The following MCTP2 variants were observed in gnomAD, a reference collection of about 807,000 sequenced individuals.
MCTP2 encodes the protein multiple C2 and transmembrane domain containing 2.
Under a neutral mutation model 111.6 loss-of-function variants are expected in MCTP2, and 132 were observed. That is an observed-to-expected ratio of 1.18 (90% CI 1.03 to 1.37). MCTP2 has a LOEUF of 1.37. Ranked by LOEUF, MCTP2 falls within the 40% of genes most tolerant of loss-of-function variation. The pLI is 0.00. For synonymous variants in MCTP2, 395 were observed against 387.7 expected (o/e 1.02, Z -0.22); for missense variants, 1,183 against 1,067.9 (o/e 1.11, Z -1.50).
intron 4 of MCTP2, among the ~76,000 whole-genome samples, chr15:94,326,606 C>CA (rs2076884041): frequency 6.6e-6 from 1 of 151,548 alleles, no homozygotes; most frequent in African/African-American, 2.4e-5. Context: ...CTCGCTCTGT[C>CA]ACCCAGGCTG....
chr15:94,464,257 T>TATTATATATATATATATATATTA lies in MCTP2; in HGVS notation c.2360+6011_2360+6012insATTATATATATATATATATATTA, dbSNP rs4001978. ...TATATATAATATATATATATATATA[T>TATTATATATATATATATATATTA]TATATATATATATATATATATAAAC... On this transcript the variant is annotated intron_variant, in intron 20 of 22. Transcript: ENST00000357742. Among the ~76,000 whole-genome samples, 118 of 44,924 alleles carry TATTATATATATATATATATATTA rather than the reference T, an allele frequency of 2.6e-3. 2 individuals are homozygous for TATTATATATATATATATATATTA. The highest frequency in any genetic ancestry group is 6.5e-3 in the African/African-American group (108 of 16,668). The allele number at this position is 44,924 out of a possible 152,430, so 29.5% of individuals were successfully genotyped here. A position where few individuals can be genotyped will look rare whatever the true frequency, so the allele number is the denominator to read the frequency against.
In MCTP2 at chr15:94,448,989, G is replaced by T. The variant is rs144091835; in HGVS notation, c.2250+6029G>T. 3.3e-5 allele frequency among the ~76,000 whole-genome samples: 5 copies of T among 152,214 alleles called. No homozygotes were observed. The South Asian group carries it at 1.0e-3, about 32-fold the overall frequency. ...TGGGAGGCAGAGGTTGCGGTGAGCCGAGATCGTGCCACTGAATTCCAGCCT... is the reference window on the plus strand; with the variant it reads ...TGGGAGGCAGAGGTTGCGGTGAGCCTAGATCGTGCCACTGAATTCCAGCCT... On this transcript the variant is annotated intron_variant, in intron 19 of 22. Coordinates refer to ENST00000357742, the MANE Select transcript of MCTP2 (RefSeq NM_001385001.1).
rs568408555 is a variant in MCTP2 at position 94,428,739 on chromosome 15, T to A, written c.2086-11437T>A. Among the ~76,000 whole-genome samples, 15 of 152,302 alleles carry A rather than the reference T, an allele frequency of 9.8e-5. 1 individual carries two copies. In the South Asian group the frequency reaches 3.1e-3, roughly 32 times the overall value. ...TAATTTCTTTGGAATTATCTCTCAATTTACTAATTTTCTGTTCAGCTGCTT... is the reference window on the plus strand; with the variant it reads ...TAATTTCTTTGGAATTATCTCTCAAATTACTAATTTTCTGTTCAGCTGCTT... On this transcript the variant is annotated intron_variant, in intron 17 of 22. Transcript: ENST00000357742.
intron 8 of MCTP2, among the ~76,000 whole-genome samples, chr15:94,355,625 T>C (rs962326218): frequency 1.3e-5 from 2 of 152,190 alleles, no homozygotes; most frequent in Non-Finnish European, 2.9e-5. Context: ...AGGCTCTATT[T>C]GGACTAGTGA....
intron 2 of MCTP2, among the ~76,000 whole-genome samples, chr15:94,308,270 G>A (rs1441519482): frequency 6.6e-6 from 1 of 152,192 alleles, no homozygotes; most frequent in African/African-American, 2.4e-5. Context: ...GCAGAGGTGG[G>A]ACTCAAATCC....
In MCTP2 at chr15:94,244,608, G is replaced by A. The variant is rs895266327; in HGVS notation, c.-66+12944G>A. Among the ~76,000 whole-genome samples the A allele has an allele frequency of 3.4e-5, 5 of 145,684 alleles. 1 individual carries two copies. The highest frequency in any genetic ancestry group is 6.7e-5 in the Admixed American group (1 of 14,874). On this transcript the variant is annotated intron_variant, in intron 1 of 22. Coordinates refer to ENST00000357742, the MANE Select transcript of MCTP2 (RefSeq NM_001385001.1). ...TACATATGCACCTATGTTTATATAC[G>A]TATATGTATACACATACATATGCAC...
At chr15:94,325,501 T>A (rs2076821216) in intron 4 of MCTP2, among the ~76,000 whole-genome samples, 1 of 152,194 alleles carries the variant, frequency 6.6e-6, no homozygotes, top group Non-Finnish European at 1.5e-5. Context: ...TGTGTATCTT[T>A]TTGCTCTTTT....
intron 1 of MCTP2, among the ~76,000 whole-genome samples, chr15:94,294,941 CTTTTTTTTTTTT>C (rs71133001): frequency 2.6e-3 from 195 of 74,002 alleles, no homozygotes; most frequent in African/African-American, 9.7e-3. Context: ...TTTTCTTTTC[CTTTTTTTTTTTT>C]TTTTTTTTTT....
chr15:94,383,499 T>C (rs2080270434), intron 12 of MCTP2, among the ~76,000 whole-genome samples: 1 of 152,152 alleles, frequency 6.6e-6, no homozygotes, highest in African/African-American at 2.4e-5. Context: ...GCTGGGTAAT[T>C]TATAAAAGAG....
chr15:94,451,269 C>T (rs1204275440), intron 19 of MCTP2, among the ~76,000 whole-genome samples: 1 of 151,770 alleles, frequency 6.6e-6, no homozygotes, highest in Non-Finnish European at 1.5e-5. Flanking sequence ...AGTGAATGCT[C>T]TTCTTTTTTA....
rs2152551943 is a variant in MCTP2 at position 94,483,542 on chromosome 15, T to TGTC, written c.*4509_*4511dup. 6.6e-6 allele frequency: 1 copy of TGTC among 152,316 alleles called. No individual in the cohort carries two copies. The highest frequency in any genetic ancestry group is 6.5e-5 in the Admixed American group (1 of 15,302). 9.4% of individuals were successfully genotyped at this position (152,316 alleles called of 1,614,324 possible). A position where few individuals can be genotyped will look rare whatever the true frequency, so the allele number is the denominator to read the frequency against. On this transcript the variant is annotated 3_prime_UTR_variant, in exon 23 of 23. Transcript: ENST00000357742. ...GCAGCCATAAAAAAGAATGAGATCA[T>TGTC]GTCCTTTTGCAGGAACTTGGATACA...
At chr15:94,237,705 A>T (rs985182518) in intron 1 of MCTP2, among the ~76,000 whole-genome samples, 10 of 152,212 alleles carry the variant, frequency 6.6e-5, no homozygotes, top group African/African-American at 2.4e-4. Context: ...AAGAATCTCT[A>T]TTAAAGCTAG....
intron 20 of MCTP2, among the ~76,000 whole-genome samples, chr15:94,468,931 G>T (rs559930333): frequency 6.6e-6 from 1 of 152,134 alleles, no homozygotes; most frequent in South Asian, 2.1e-4. Flanking sequence ...CCCAGCCTCA[G>T]TCTTAACCAG....
intron 14 of MCTP2, among the ~76,000 whole-genome samples, chr15:94,396,568 T>C (rs2081293027): frequency 6.6e-6 from 1 of 152,120 alleles, no homozygotes; most frequent in Non-Finnish European, 1.5e-5. Flanking sequence ...TTCAATTATA[T>C]AATCAGGGAG....
Position 94,479,219 on chromosome 15 carries a change from G to T in MCTP2, c.*185G>T, listed in dbSNP as rs1259877810. ...CATGTGCACACACCCTCATGCATGG[G>T]TGTCCTAGTTGCGTAGAGGGTCAGC... is the stretch of plus-strand genomic sequence containing the variant. On this transcript the variant is annotated 3_prime_UTR_variant, in exon 23 of 23. Coordinates refer to ENST00000357742, the MANE Select transcript of MCTP2 (RefSeq NM_001385001.1). The T allele has an allele frequency of 1.6e-6, 1 of 626,288 alleles. No individual in the cohort carries two copies. Among genetic ancestry groups the T allele is most frequent in the African/African-American group, 1.8e-5 (1 of 55,106 alleles). 38.8% of individuals were successfully genotyped at this position (626,288 alleles called of 1,614,324 possible).
At chr15:94,435,997 T>C (rs377763139) in intron 17 of MCTP2, among the ~76,000 whole-genome samples, 2 of 152,156 alleles carry the variant, frequency 1.3e-5, no homozygotes, top group Admixed American at 6.6e-5. Context: ...AAATGCAAAC[T>C]TTGTCACATG....
chr15:94,367,498 A>G (rs2079252563), intron 10 of MCTP2, 107 bp from the exon 11 acceptor site: 1 of 848,620 alleles, frequency 1.2e-6, no homozygotes, highest in Non-Finnish European at 1.9e-6. Flanking sequence ...AAGACCAGAC[A>G]GAGTGAGTTT....
intron 1 of MCTP2, among the ~76,000 whole-genome samples, chr15:94,236,576 T>C (rs1209256419): frequency 2.0e-5 from 3 of 151,920 alleles, no homozygotes; most frequent in African/African-American, 2.4e-5. Flanking sequence ...AATTTGAGTT[T>C]ATGGTAGGCA....
chr15:94,327,124 A>G (rs1293442979), intron 4 of MCTP2, among the ~76,000 whole-genome samples: 1 of 152,038 alleles, frequency 6.6e-6, no homozygotes, highest in Non-Finnish European at 1.5e-5. Context: ...TAATCTTACG[A>G]TTCTTTTCTG....
Sources: allele counts gnomAD v4.1 joint callset (sites outside exome capture counted in the v4.1 genomes callset), GRCh38; gene constraint gnomAD v4.1.1; transcripts MANE v1.5; gene names NCBI Gene and HGNC (gene_info 2026-07-23, HGNC 2026-07-21).